The following PPM1L variants were observed in gnomAD, a reference collection of about 807,000 sequenced individuals.
PPM1L encodes the protein protein phosphatase, Mg2+/Mn2+ dependent 1L.
PPM1L carries 13 observed loss-of-function variants against 31.4 expected under a neutral mutation model. The ratio of observed to expected loss-of-function variants is 0.41; its 90% CI spans 0.27 to 0.66. PPM1L has a LOEUF of 0.66. PPM1L is among the 30% of genes least tolerant of loss of function. PPM1L has a pLI of 0.29. For synonymous variants in PPM1L, 184 were observed against 175.4 expected (o/e 1.05, Z -0.39); for missense variants, 326 against 453.7 (o/e 0.72, Z 2.56).
intron 1 of PPM1L, among the ~76,000 whole-genome samples, chr3:160,893,108 T>A (rs1053224200): frequency 1.3e-5 from 2 of 152,188 alleles, no homozygotes; most frequent in African/African-American, 4.8e-5. Context: ...TTTGCAGTAA[T>A]ACTTGGAAGC....
At chr3:161,067,024 G>A (rs1016102197) in intron 3 of PPM1L, among the ~76,000 whole-genome samples, 2 of 152,194 alleles carry the variant, frequency 1.3e-5, no homozygotes, top group African/African-American at 2.4e-5. Flanking sequence ...CCTCCAGGCA[G>A]TAGGAGCAAA....
At chr3:160,772,617 T>TTA (rs1353800595) in intron 1 of PPM1L, among the ~76,000 whole-genome samples, 1 of 152,228 alleles carries the variant, frequency 6.6e-6, no homozygotes, top group Non-Finnish European at 1.5e-5. Flanking sequence ...ATCAGTTTTG[T>TTA]TATATACCCA....
intron 2 of PPM1L, among the ~76,000 whole-genome samples, chr3:160,980,977 G>A (rs1182056398): frequency 6.6e-6 from 1 of 152,008 alleles, no homozygotes; most frequent in Non-Finnish European, 1.5e-5. Context: ...ATGATGGAGA[G>A]GATTACCTAT....
intron 2 of PPM1L, among the ~76,000 whole-genome samples, chr3:160,975,983 C>T (rs1716557271): frequency 6.9e-6 from 1 of 145,490 alleles, no homozygotes; most frequent in Admixed American, 7.0e-5. Flanking sequence ...CAGTTTTTGC[C>T]CATTCAGTAT....
At chr3:160,854,879 C>CA (rs33923660) in intron 1 of PPM1L, among the ~76,000 whole-genome samples, 1,729 of 95,536 alleles carry the variant, frequency 0.018, 20 homozygotes, top group Middle Eastern at 0.029. Context: ...CATGTGGAAC[C>CA]AAAAAAAAAA....
At chr3:160,886,335 C>A (rs547674600) in intron 1 of PPM1L, among the ~76,000 whole-genome samples, 16 of 152,294 alleles carry the variant, frequency 1.1e-4, no homozygotes, top group Non-Finnish European at 1.6e-4. Flanking sequence ...GCAAAGCACA[C>A]CCCATCCACA....
chr3:161,019,573 C>T (rs2108070799), intron 2 of PPM1L, among the ~76,000 whole-genome samples: 1 of 152,194 alleles, frequency 6.6e-6, no homozygotes, highest in East Asian at 1.9e-4. Flanking sequence ...TTAGCTACTA[C>T]AAAGATGGAA....
chr3:161,012,265 A>G (rs1474804592), intron 2 of PPM1L, among the ~76,000 whole-genome samples: 2 of 152,134 alleles, frequency 1.3e-5, no homozygotes, highest in Admixed American at 6.5e-5. Flanking sequence ...TTCTGCATCT[A>G]TTGAGATCAT....
At chr3:160,848,902 C>G (rs1452675508) in intron 1 of PPM1L, among the ~76,000 whole-genome samples, 5 of 152,172 alleles carry the variant, frequency 3.3e-5, no homozygotes, top group African/African-American at 1.2e-4. Flanking sequence ...TTCTTCTTTA[C>G]TTTCCCCTTC....
chr3:160,974,862 A>G (rs1469675267), intron 2 of PPM1L, among the ~76,000 whole-genome samples: 1 of 145,292 alleles, frequency 6.9e-6, no homozygotes, highest in East Asian at 2.0e-4. Context: ...GCTGTGCAGA[A>G]GCTCTTTAGT....
At chr3:160,976,734 T>C (rs1716596870) in intron 2 of PPM1L, among the ~76,000 whole-genome samples, 1 of 151,980 alleles carries the variant, frequency 6.6e-6, no homozygotes, top group South Asian at 2.1e-4. Context: ...CCTTTATCAT[T>C]TTTTATTGCG....
At chr3:160,820,838 T>A (rs77786486) in intron 1 of PPM1L, among the ~76,000 whole-genome samples, 13,907 of 152,168 alleles carry the variant, frequency 0.091, 970 homozygotes, top group African/African-American at 0.19. Flanking sequence ...TATATGCCAA[T>A]GTTCCTATGA....
chr3:160,791,199 A>G (rs1712095477), intron 1 of PPM1L, among the ~76,000 whole-genome samples: 1 of 152,194 alleles, frequency 6.6e-6, no homozygotes, highest in Admixed American at 6.6e-5. Context: ...AAAGAGAGAC[A>G]TAAAATGAAC....
In PPM1L at chr3:160,875,927, C is replaced by T. The variant is rs117300200; in HGVS notation, c.400-85809C>T. Among the ~76,000 whole-genome samples the T allele has an allele frequency of 8.5e-4, 129 of 152,302 alleles. 1 individual carries two copies. In the South Asian group the frequency reaches 0.016, roughly 19 times the overall value. On this transcript the variant is annotated intron_variant, in intron 1 of 3. Transcript: ENST00000498165. ...AAGACTCTTGACATTCAATGTAATA[C>T]ACAAATTCTCGCCCTTTTCACACAT...
Position 160,757,852 on chromosome 3 carries a change from T to C in PPM1L, c.399+1145T>C, listed in dbSNP as rs553854875. Among the ~76,000 whole-genome samples the C allele has an allele frequency of 2.6e-5, 4 of 152,346 alleles. No individual in the cohort carries two copies. The South Asian group carries it at 8.3e-4, about 32-fold the overall frequency. On this transcript the variant is annotated intron_variant, in intron 1 of 3. Transcript: ENST00000498165. Reference sequence around the variant, plus strand: ...TCTGCCCTCTGATCTCTGGGTAGGCTGTAGGGAACTGCAGGGACTGCCATT... The same window carrying C: ...TCTGCCCTCTGATCTCTGGGTAGGCCGTAGGGAACTGCAGGGACTGCCATT...
chr3:160,915,743 G>T (rs895681355), intron 1 of PPM1L, among the ~76,000 whole-genome samples: 1 of 152,170 alleles, frequency 6.6e-6, no homozygotes, highest in South Asian at 2.1e-4. Flanking sequence ...AGAGCCCTCA[G>T]AAATAATGCT....
At chr3:160,841,569 A>C (rs1441397520) in intron 1 of PPM1L, among the ~76,000 whole-genome samples, 2 of 152,182 alleles carry the variant, frequency 1.3e-5, no homozygotes, top group Admixed American at 6.5e-5. Context: ...ATTTCTGCCC[A>C]AACATTGATT....
chr3:160,816,261 T>TTGTGTGTG (rs71147385), intron 1 of PPM1L, among the ~76,000 whole-genome samples: 107 of 147,982 alleles, frequency 7.2e-4, no homozygotes, highest in African/African-American at 2.5e-3. Context: ...GCAGTTTCAT[T>TTGTGTGTG]TGTGTGTGTG....
At chr3:161,063,486 A>G (rs1719634644) in intron 2 of PPM1L, among the ~76,000 whole-genome samples, 1 of 86,832 alleles carries the variant, frequency 1.2e-5, no homozygotes, top group African/African-American at 6.1e-5. Flanking sequence ...AGTTATTTTA[A>G]TTCTCTCTGC....
Sources: allele counts gnomAD v4.1 joint callset (sites outside exome capture counted in the v4.1 genomes callset), GRCh38; gene constraint gnomAD v4.1.1; transcripts MANE v1.5; gene names NCBI Gene and HGNC (gene_info 2026-07-23, HGNC 2026-07-21).